The following R3HDM2 variants were observed in gnomAD, a reference collection of about 807,000 sequenced individuals.
R3HDM2 encodes R3H domain-containing protein 2.
A neutral mutation model predicts 124.5 loss-of-function variants in R3HDM2; 38 were observed. The ratio of observed to expected loss-of-function variants is 0.31; its 90% CI spans 0.24 to 0.40. The LOEUF (loss-of-function observed/expected upper bound fraction) is 0.40, where lower values mean the gene tolerates loss of function less well. Among genes scored for constraint, R3HDM2 ranks in the 10% least tolerant of loss-of-function variants. The probability of loss-of-function intolerance (pLI) is 1.00; values close to 1 mark genes in which losing one functional copy is unlikely to be tolerated. For synonymous variants in R3HDM2, 391 were observed against 448.0 expected (o/e 0.87, Z 1.61); for missense variants, 869 against 1,236.9 (o/e 0.70, Z 4.46).
chr12:57,261,211 G>A (rs960540217), intron 19 of R3HDM2, among the ~76,000 whole-genome samples: 2 of 152,126 alleles, frequency 1.3e-5, no homozygotes, highest in African/African-American at 4.8e-5. Flanking sequence ...AATTGCAATT[G>A]ACCTTATTCA....
chr12:57,386,194 G>A (rs2138503783), intron 2 of R3HDM2, among the ~76,000 whole-genome samples: 1 of 152,320 alleles, frequency 6.6e-6, no homozygotes, highest in African/African-American at 2.4e-5. Context: ...TCCTCTGCCT[G>A]GGCTCCCACT....
chr12:57,375,125 A>G (rs1282353152), intron 2 of R3HDM2, among the ~76,000 whole-genome samples: 1 of 152,074 alleles, frequency 6.6e-6, no homozygotes. Context: ...AAGAAATAAT[A>G]TTCTGCATCC....
chr12:57,289,120 G>T, intron 11 of R3HDM2, 80 bp from the exon 12 acceptor site: 1 of 1,367,826 alleles, frequency 7.3e-7, no homozygotes, highest in South Asian at 1.2e-5. Context: ...ATGATGCTAT[G>T]AATACCCAAG....
intron 3 of R3HDM2, among the ~76,000 whole-genome samples, chr12:57,308,618 G>A (rs925292220): frequency 3.9e-5 from 6 of 151,928 alleles, no homozygotes; most frequent in East Asian, 2.0e-4. Context: ...CCCGGGAGGC[G>A]GAGGTTGCAG....
chr12:57,254,129 T>A lies in R3HDM2; in HGVS notation c.*644A>T, dbSNP rs778335193. 2 of 455,780 alleles carry A rather than the reference T, an allele frequency of 4.4e-6. No individual in the cohort carries two copies. Among genetic ancestry groups the A allele is most frequent in the Non-Finnish European group, 8.8e-6 (2 of 226,648 alleles). The allele number at this position is 455,780 out of a possible 1,614,324, so 28.2% of individuals were successfully genotyped here. On this transcript the variant is annotated 3_prime_UTR_variant, in exon 24 of 24. Coordinates refer to ENST00000402412, the MANE Select transcript of R3HDM2 (RefSeq NM_001394031.1). ...ATGTTAAGGTAATAGGAGGACAGTG[T>A]GGGACTTTCCCAATTCTACCTGACC... is the stretch of plus-strand genomic sequence containing the variant.
chr12:57,320,833 T>A (rs1210879059), intron 2 of R3HDM2, among the ~76,000 whole-genome samples: 1 of 152,172 alleles, frequency 6.6e-6, no homozygotes, highest in Non-Finnish European at 1.5e-5. Flanking sequence ...ATAGGGGATA[T>A]TCAGAGACAG....
rs1010156372 is a variant in R3HDM2 at position 57,363,820 on chromosome 12, G to C, written c.-36+31929C>G. ...CTGAGTTCAAGACCGTAGTGAGCTA[G>C]GATCACACCACTGTGCTCCAGCCTG... On this transcript the variant is annotated intron_variant, in intron 2 of 23. Coordinates refer to ENST00000402412, the MANE Select transcript of R3HDM2 (RefSeq NM_001394031.1). Among the ~76,000 whole-genome samples, 8 of 151,622 alleles carry C rather than the reference G, an allele frequency of 5.3e-5. 1 individual carries two copies. The South Asian group carries it at 1.7e-3, about 32-fold the overall frequency.
intron 2 of R3HDM2, among the ~76,000 whole-genome samples, chr12:57,329,594 G>T (rs887306100): frequency 6.6e-6 from 1 of 152,134 alleles, no homozygotes; most frequent in Non-Finnish European, 1.5e-5. Context: ...TTTCCTTGCT[G>T]CTTACTGGTA....
At chr12:57,396,919 C>A (rs1409939030) in intron 1 of R3HDM2, among the ~76,000 whole-genome samples, 2 of 152,024 alleles carry the variant, frequency 1.3e-5, no homozygotes, top group East Asian at 1.9e-4. Context: ...TGGTGAAACA[C>A]CATCTCTACT....
intron 1 of R3HDM2, among the ~76,000 whole-genome samples, chr12:57,397,691 T>A (rs935559114): frequency 6.6e-6 from 1 of 152,130 alleles, no homozygotes; most frequent in Non-Finnish European, 1.5e-5. Flanking sequence ...TTCCCCCCTA[T>A]GCAAAATATT....
intron 14 of R3HDM2, among the ~76,000 whole-genome samples, chr12:57,271,675 A>G (rs2137500573): frequency 6.6e-6 from 1 of 152,348 alleles, no homozygotes. Context: ...GAGAAAAAGT[A>G]GATGTTAAGA....
chr12:57,420,435 G>A (rs1397762505), intron 1 of R3HDM2, among the ~76,000 whole-genome samples: 1 of 151,080 alleles, frequency 6.6e-6, no homozygotes, highest in Non-Finnish European at 1.5e-5. Context: ...TATCCTACTT[G>A]GTCTTTCTAC....
chr12:57,373,453 C>T (rs924981777), intron 2 of R3HDM2, among the ~76,000 whole-genome samples: 2 of 151,864 alleles, frequency 1.3e-5, no homozygotes, highest in Non-Finnish European at 2.9e-5. Flanking sequence ...GAGCCAAGAT[C>T]GCGCCACTGC....
intron 19 of R3HDM2, among the ~76,000 whole-genome samples, chr12:57,266,106 CTTTT>C (rs74991749): frequency 2.7e-5 from 3 of 111,124 alleles, no homozygotes; most frequent in Non-Finnish European, 3.8e-5. Context: ...CATAATTTTT[CTTTT>C]TTTTTTTTTT....
chr12:57,320,427 T>G (rs978857714), intron 2 of R3HDM2, among the ~76,000 whole-genome samples: 1 of 151,972 alleles, frequency 6.6e-6, no homozygotes, highest in Non-Finnish European at 1.5e-5. Context: ...CTACTTCATA[T>G]GTAATGGTGA....
chr12:57,425,022 C>T (rs2070594868), intron 1 of R3HDM2, among the ~76,000 whole-genome samples: 1 of 152,170 alleles, frequency 6.6e-6, no homozygotes, highest in Non-Finnish European at 1.5e-5. Context: ...CCTATAATCC[C>T]AGCACTTCAG....
At chr12:57,410,025 C>G (rs748453824) in intron 1 of R3HDM2, among the ~76,000 whole-genome samples, 1 of 152,088 alleles carries the variant, frequency 6.6e-6, no homozygotes, top group South Asian at 2.1e-4. Context: ...ACCACACATT[C>G]CATTTTTATG....
intron 1 of R3HDM2, among the ~76,000 whole-genome samples, chr12:57,405,067 G>A (rs749263820): frequency 2.4e-4 from 36 of 151,216 alleles, no homozygotes; most frequent in Non-Finnish European, 3.1e-4. Context: ...TCACTCTGTC[G>A]CCCCAGCTAG....
chr12:57,290,679 T>A (rs1479572283), intron 11 of R3HDM2, among the ~76,000 whole-genome samples: 1 of 152,224 alleles, frequency 6.6e-6, no homozygotes, highest in Non-Finnish European at 1.5e-5. Flanking sequence ...AATGGCACGA[T>A]CTTGGCTCAC....
Sources: allele counts gnomAD v4.1 joint callset (sites outside exome capture counted in the v4.1 genomes callset), GRCh38; gene constraint gnomAD v4.1.1; transcripts MANE v1.5; gene names NCBI Gene and HGNC (gene_info 2026-07-23, HGNC 2026-07-21).